NRDC: variants seen among roughly 807,000 people sequenced by gnomAD.
NRDC encodes the protein nardilysin convertase, also known as nardilysin.
In NRDC, 54 loss-of-function variants were observed where a neutral mutation model predicts 147.1. The ratio of observed to expected loss-of-function variants is 0.37; its 90% CI spans 0.29 to 0.46. The LOEUF is 0.46. Among genes scored for constraint, NRDC ranks in the 20% least tolerant of loss-of-function variants. The pLI, the probability that NRDC is intolerant of heterozygous loss-of-function variation, is 1.00. For synonymous variants in NRDC, 440 were observed against 482.1 expected (o/e 0.91, Z 1.14); for missense variants, 1,082 against 1,370.6 (o/e 0.79, Z 3.33).
intron 14 of NRDC, among the ~76,000 whole-genome samples, chr1:51,813,273 C>A (rs1036444361): frequency 3.9e-5 from 6 of 152,150 alleles, no homozygotes; most frequent in African/African-American, 1.4e-4. Context: ...GTAGTCAATT[C>A]AAGTATTTAC....
At position 51,790,927 on chromosome 1, in the gene NRDC, G is replaced by C. The variant is rs748174642; in HGVS notation, c.3024C>G (p.Asn1008Lys). 16 of 1,613,708 alleles carry C rather than the reference G, an allele frequency of 9.9e-6. No individual in the cohort carries two copies. Among genetic ancestry groups the C allele is most frequent in the Non-Finnish European group, 1.3e-5 (15 of 1,179,836 alleles). ...FLSSFEEKIE[N>K]LTEEAFNTQV... ...GGGTGTTGAATGCCTCTTCAGTGAG[G>C]TTCTCAATCTTCTCCTCAAAGCTAG... The change falls in exon 28 of 31, where the codon AAC becomes AAG. Residue 1008 changes from asparagine (N) to lysine (K), a missense_variant. This residue lies in a region of NRDC where 187 missense variants were observed against 193.6 expected (regional missense o/e 0.97). Coordinates refer to ENST00000352171, the MANE Select transcript of NRDC (RefSeq NM_001101662.2).
At chr1:51,849,790 G>T (rs531298648) in intron 1 of NRDC, among the ~76,000 whole-genome samples, 1 of 150,998 alleles carries the variant, frequency 6.6e-6, no homozygotes, top group South Asian at 2.1e-4. Flanking sequence ...CACTCCAGCC[G>T]GGGCGACAGA....
intron 1 of NRDC, among the ~76,000 whole-genome samples, chr1:51,870,876 G>A: frequency 6.6e-6 from 1 of 151,576 alleles, no homozygotes; most frequent in East Asian, 1.9e-4. Flanking sequence ...CTTCTCTACT[G>A]ATTCTTTTTT....
intron 22 of NRDC, among the ~76,000 whole-genome samples, chr1:51,797,344 A>G (rs775658366): frequency 1.2e-4 from 18 of 152,160 alleles, no homozygotes; most frequent in Non-Finnish European, 8.8e-5. Flanking sequence ...CTCCCCAACT[A>G]CTGGAAACCA....
chr1:51,841,303 A>T (rs1038970592), intron 1 of NRDC, among the ~76,000 whole-genome samples: 2 of 151,760 alleles, frequency 1.3e-5, no homozygotes, highest in African/African-American at 2.4e-5. Context: ...CATTTACACT[A>T]ATTTTTTTTT....
At chr1:51,794,408 G>A in intron 24 of NRDC, 64 bp downstream of exon 24, 1 of 1,543,568 alleles carries the variant, frequency 6.5e-7, no homozygotes, top group Non-Finnish European at 8.9e-7. Flanking sequence ...GGGCCTTGAA[G>A]GTCACGGGGT....
chr1:51,871,444 T>C (rs1683079674), intron 1 of NRDC, among the ~76,000 whole-genome samples: 1 of 143,728 alleles, frequency 7.0e-6, no homozygotes, highest in African/African-American at 2.6e-5. Context: ...GATTCAGTCC[T>C]AGTACTGCTT....
At chr1:51,848,972 G>A (rs1321228839) in intron 1 of NRDC, among the ~76,000 whole-genome samples, 2 of 152,116 alleles carry the variant, frequency 1.3e-5, no homozygotes, top group Non-Finnish European at 2.9e-5. Context: ...AAACTTTACA[G>A]GTGAAATGAA....
At position 51,795,284 on chromosome 1, in the gene NRDC, T is replaced by A. The variant is rs1678845108; in HGVS notation, c.2605-430A>T. 4.5e-6 allele frequency: 5 copies of A among 1,121,274 alleles called. 1 individual carries two copies. The South Asian group carries it at 5.3e-5, about 12-fold the overall frequency. 69.5% of individuals were successfully genotyped at this position (1,121,274 alleles called of 1,614,324 possible). A position where few individuals can be genotyped will look rare whatever the true frequency, so the allele number is the denominator to read the frequency against. ...TCCCTTCTTAAGAATTCTGTTTTCTTATCTATAAAATAAGGGATAAATGGA... is the reference window on the plus strand; with the variant it reads ...TCCCTTCTTAAGAATTCTGTTTTCTAATCTATAAAATAAGGGATAAATGGA... On this transcript the variant is annotated intron_variant, in intron 22 of 30. Transcript: ENST00000352171.
rs116177593 is a variant in NRDC, at chr1:51,844,772, G to T, written c.342-4258C>A. Among the ~76,000 whole-genome samples, 635 of 110,138 alleles carry T rather than the reference G, an allele frequency of 5.8e-3. 10 individuals carry two copies. Among genetic ancestry groups the T allele is most frequent in the African/African-American group, 0.02 (605 of 29,778 alleles). 72.3% of individuals were successfully genotyped at this position (110,138 alleles called of 152,430 possible). On this transcript the variant is annotated intron_variant, in intron 1 of 30. Coordinates refer to ENST00000352171, the MANE Select transcript of NRDC (RefSeq NM_001101662.2). ...GGAATTCCGGAAGGGAGGGACGGAG[G>T]GAGGGGGGAGGGGGGAAGGGGAGGA... is the stretch of plus-strand genomic sequence containing the variant.
At chr1:51,811,386 G>A (rs12408944) in intron 15 of NRDC, among the ~76,000 whole-genome samples, 8 of 152,056 alleles carry the variant, frequency 5.3e-5, no homozygotes, top group Admixed American at 5.2e-4. Context: ...AGCACCCCAC[G>A]CCCCACCCTG....
At chr1:51,868,426 CA>C (rs2124115927) in intron 1 of NRDC, among the ~76,000 whole-genome samples, 1 of 151,918 alleles carries the variant, frequency 6.6e-6, no homozygotes, top group South Asian at 2.1e-4. Context: ...ACGTTAAGAA[CA>C]AAATAGAAGG....
intron 14 of NRDC, among the ~76,000 whole-genome samples, chr1:51,812,304 G>A (rs560274403): frequency 9.8e-5 from 15 of 152,334 alleles, no homozygotes; most frequent in African/African-American, 3.4e-4. Context: ...GCATTTGGGA[G>A]ACAGAGGTGG....
chr1:51,849,601 G>A (rs1164095118), intron 1 of NRDC, among the ~76,000 whole-genome samples: 1 of 151,892 alleles, frequency 6.6e-6, no homozygotes, highest in Non-Finnish European at 1.5e-5. Flanking sequence ...TGGATCACGA[G>A]GTCAGGAAAT....
intron 1 of NRDC, among the ~76,000 whole-genome samples, chr1:51,871,398 C>T (rs1571927649): frequency 1.3e-5 from 2 of 151,728 alleles, no homozygotes; most frequent in Middle Eastern, 3.4e-3. Flanking sequence ...TTTGAAACTG[C>T]TTTCACCAGT....
rs1359927785 is a variant in NRDC at position 51,834,107 on chromosome 1, T to C, written c.776A>G (p.His259Arg). 6.2e-7 allele frequency: 1 copy of C among 1,614,132 alleles called. No homozygotes were observed. Among genetic ancestry groups the C allele is most frequent in the Admixed American group, 1.7e-5 (1 of 60,022 alleles). ...AGTTGAGGCATTATCACTACCCCCA[T>C]GCTTCTTCAGGAAGGCATCAAATCC... ...ENGFDAFLKKHGGSDNASTDC... is the reference protein window; with the variant it reads ...ENGFDAFLKKRGGSDNASTDC... Residue 259 changes from histidine to arginine, a missense_variant, in exon 4 of 31, where the codon CAT becomes CGT. By Grantham distance (29) the His-to-Arg change is conservative (BLOSUM62 0). Coordinates refer to ENST00000352171, the MANE Select transcript of NRDC (RefSeq NM_001101662.2).
chr1:51,811,541 T>A (rs1376934584), intron 15 of NRDC, among the ~76,000 whole-genome samples: 1 of 152,202 alleles, frequency 6.6e-6, no homozygotes, highest in Non-Finnish European at 1.5e-5. Flanking sequence ...GACAATGTAT[T>A]GGCATGTAAC....
At chr1:51,865,893 T>C (rs1207499865) in intron 1 of NRDC, among the ~76,000 whole-genome samples, 6 of 141,548 alleles carry the variant, frequency 4.2e-5, no homozygotes, top group Non-Finnish European at 9.2e-5. Flanking sequence ...CTACTAAATA[T>C]ACAAAAAAAA....
At chr1:51,850,678 G>A (rs1681904575) in intron 1 of NRDC, among the ~76,000 whole-genome samples, 1 of 152,196 alleles carries the variant, frequency 6.6e-6, no homozygotes. Flanking sequence ...CACTTCAGTT[G>A]TTTTTCAGAA....
Sources: allele counts gnomAD v4.1 joint callset (sites outside exome capture counted in the v4.1 genomes callset), GRCh38; gene constraint gnomAD v4.1.1; regional missense constraint gnomAD v4.1.1; transcripts MANE v1.5; gene names NCBI Gene and HGNC (gene_info 2026-07-23, HGNC 2026-07-21).